The following CALD1 variants were observed in gnomAD, a reference collection of about 807,000 sequenced individuals.
CALD1 encodes the protein caldesmon 1, also known as caldesmon.
A neutral mutation model predicts 99.9 loss-of-function variants in CALD1; 33 were observed. That is an observed-to-expected ratio of 0.33 (90% CI 0.25 to 0.44). CALD1 has a LOEUF of 0.44. CALD1 is among the 20% of genes least tolerant of loss of function. The probability of loss-of-function intolerance (pLI) is 1.00; values close to 1 mark genes in which losing one functional copy is unlikely to be tolerated. For synonymous variants in CALD1, 310 were observed against 325.0 expected (o/e 0.95, Z 0.50); for missense variants, 861 against 962.1 (o/e 0.89, Z 1.39).
At chr7:134,830,376 G>A (rs1461095708) in intron 1 of CALD1, among the ~76,000 whole-genome samples, 1 of 151,888 alleles carries the variant, frequency 6.6e-6, no homozygotes, top group African/African-American at 2.4e-5. Flanking sequence ...CAAGGCATCA[G>A]TCAATCTTAA....
At chr7:134,844,465 G>A (rs1799772774) in intron 2 of CALD1, 1 of 152,208 alleles carries the variant, frequency 6.6e-6, no homozygotes, top group South Asian at 2.1e-4. Flanking sequence ...GGAGGTGAAA[G>A]AGGGGATTTC....
intron 1 of CALD1, 23 bp downstream of exon 1, chr7:134,779,772 T>G (rs17168032): frequency 0.12 from 46,903 of 398,340 alleles, 3,027 homozygotes; most frequent in Non-Finnish European, 0.13. Context: ...AGGCTTTCTT[T>G]TTTATCTTCT....
chr7:134,953,721 T>A (rs1429445300), intron 9 of CALD1, among the ~76,000 whole-genome samples: 1 of 150,596 alleles, frequency 6.6e-6, no homozygotes, highest in Non-Finnish European at 1.5e-5. Flanking sequence ...TCTAATTATT[T>A]CTTCTCTACC....
upstream of CALD1, among the ~76,000 whole-genome samples, chr7:134,740,862 T>C (rs760884496): frequency 6.6e-6 from 1 of 152,182 alleles, no homozygotes; most frequent in African/African-American, 2.4e-5. Context: ...CCAACAATGG[T>C]TGGAGTTAGC....
At chr7:134,754,127 C>T (rs1417021999) in intron 1 of CALD1, among the ~76,000 whole-genome samples, 1 of 152,154 alleles carries the variant, frequency 6.6e-6, no homozygotes, top group Non-Finnish European at 1.5e-5. Flanking sequence ...TGAAACCAGC[C>T]TGGGTTTGAA....
intron 1 of CALD1, among the ~76,000 whole-genome samples, chr7:134,766,169 T>TTTTTTTG (rs1796825235): frequency 7.6e-6 from 1 of 131,166 alleles, no homozygotes; most frequent in Non-Finnish European, 1.5e-5. Flanking sequence ...TTTTTTTTTT[T>TTTTTTTG]GAGAGGGAGT....
intron 3 of CALD1, among the ~76,000 whole-genome samples, chr7:134,926,199 A>G (rs1805004084): frequency 6.6e-6 from 1 of 152,250 alleles, no homozygotes; most frequent in South Asian, 2.1e-4. Flanking sequence ...TGCAGTGTAG[A>G]ATGCTTTGCC....
At chr7:134,850,510 G>A (rs1006684650) in intron 2 of CALD1, among the ~76,000 whole-genome samples, 3 of 152,154 alleles carry the variant, frequency 2.0e-5, no homozygotes, top group South Asian at 4.1e-4. Flanking sequence ...ATTGTCACAA[G>A]GATTTAAACT....
intron 2 of CALD1, among the ~76,000 whole-genome samples, chr7:134,866,507 T>G (rs549945503): frequency 4.0e-4 from 61 of 152,144 alleles, no homozygotes; most frequent in Non-Finnish European, 5.4e-4. Flanking sequence ...TTTTGTGGGG[T>G]TTTTTTAGAG....
At chr7:134,929,556 C>T (rs1024539514) in intron 4 of CALD1, among the ~76,000 whole-genome samples, 5 of 134,542 alleles carry the variant, frequency 3.7e-5, no homozygotes, top group African/African-American at 1.1e-4. Flanking sequence ...ATCCAGGTTG[C>T]GGTGAATTCC....
chr7:134,834,673 G>T (rs6976760), intron 1 of CALD1, among the ~76,000 whole-genome samples: 39,184 of 152,056 alleles, frequency 0.26, 5,789 homozygotes, highest in African/African-American at 0.4. Context: ...ACTGTAAAAG[G>T]GCCATGTATT....
chr7:134,844,675 C>T (rs1173262423), intron 2 of CALD1, among the ~76,000 whole-genome samples: 1 of 152,196 alleles, frequency 6.6e-6, no homozygotes, highest in Non-Finnish European at 1.5e-5. Context: ...GCTTAAACAA[C>T]AGAGATTTCT....
chr7:134,774,093 C>A (rs1381540081), intron 1 of CALD1, among the ~76,000 whole-genome samples: 2 of 151,292 alleles, frequency 1.3e-5, no homozygotes, highest in Non-Finnish European at 2.9e-5. Context: ...TTGATTGAAC[C>A]CAGGAGACAG....
chr7:134,824,400 T>C (rs1029076488), intron 1 of CALD1, among the ~76,000 whole-genome samples: 1 of 152,244 alleles, frequency 6.6e-6, no homozygotes, highest in South Asian at 2.1e-4. Context: ...CAACAGTGAA[T>C]GAAATAATTG....
the CALD1 span, among the ~76,000 whole-genome samples, chr7:134,732,115 G>A: frequency 1.4e-3 from 219 of 152,106 alleles, no homozygotes; most frequent in Non-Finnish European, 2.7e-3. Context: ...CTAGTTCATG[G>A]TTTGACTTTC....
intron 1 of CALD1, among the ~76,000 whole-genome samples, chr7:134,762,309 C>T (rs1243919635): frequency 6.6e-6 from 1 of 152,190 alleles, no homozygotes; most frequent in Non-Finnish European, 1.5e-5. Context: ...TAGATATATT[C>T]TATGGCTCTA....
chr7:134,726,851 C>T, the CALD1 span, among the ~76,000 whole-genome samples: 14 of 152,300 alleles, frequency 9.2e-5, no homozygotes, highest in Non-Finnish European at 1.8e-4. Flanking sequence ...TGCTCCAGAG[C>T]CCATCTAGTG....
At chr7:134,930,730 T>C (rs1440619882) in intron 4 of CALD1, among the ~76,000 whole-genome samples, 2 of 152,198 alleles carry the variant, frequency 1.3e-5, no homozygotes, top group Admixed American at 6.5e-5. Flanking sequence ...ATAAAAATTA[T>C]ACCTTTCTCC....
chr7:134,874,519 T>C (rs1404006407), intron 3 of CALD1, among the ~76,000 whole-genome samples: 1 of 152,104 alleles, frequency 6.6e-6, no homozygotes, highest in African/African-American at 2.4e-5. Context: ...CATGAGAAAA[T>C]CTCCAGCAGA....
Sources: gnomAD v4.1 joint callset for allele counts (sites outside exome capture counted in the v4.1 genomes callset) on GRCh38, gnomAD v4.1.1 for gene constraint, MANE v1.5 for transcripts, NCBI Gene and HGNC (gene_info 2026-07-23, HGNC 2026-07-21) for gene names.